NCALD: variants seen among roughly 807,000 people sequenced by gnomAD.
NCALD encodes the protein neurocalcin-delta.
Under a neutral mutation model 18.6 loss-of-function variants are expected in NCALD, and 10 were observed. The ratio of observed to expected loss-of-function variants is 0.54; its 90% confidence interval spans 0.33 to 0.91. The LOEUF (loss-of-function observed/expected upper bound fraction) is 0.91, where lower values mean the gene tolerates loss of function less well. Ranked by LOEUF, NCALD falls within the 40% of genes least tolerant of loss-of-function variation. The probability of loss-of-function intolerance (pLI) is 0.03; values close to 1 mark genes in which losing one functional copy is unlikely to be tolerated. For missense variants in NCALD, 184 were observed against 247.6 expected, an observed-to-expected ratio of 0.74 and a Z score of 1.72; for synonymous variants, 88 against 87.4, an observed-to-expected ratio of 1.01 and a Z score of -0.04.
In NCALD at chr8:101,719,224, C is replaced by CT. The variant is rs764185771; in HGVS notation, c.378+27dup. 3.8e-4 allele frequency: 601 copies of CT among 1,596,688 alleles called. No individual in the cohort carries two copies. The Middle Eastern group carries it at 5.2e-3, about 14-fold the overall frequency. ...ATTCTTACTTGAGATACATGCCCTT[C>CT]TTTTTTTAAAGGGCTCAGTCTACGT... On this transcript the variant is annotated intron_variant, in intron 2 of 3. Transcript: ENST00000220931.
chr8:101,885,110 C>T (rs1816630972), intron 4 of NCALD, among the ~76,000 whole-genome samples: 1 of 152,120 alleles, frequency 6.6e-6, no homozygotes, highest in South Asian at 2.1e-4. Context: ...CATCCTATAA[C>T]TAAGAAGCTA....
Position 102,043,847 on chromosome 8 carries a change from T to C in NCALD, c.-209-23558A>G, listed in dbSNP as rs549739359. On this transcript the variant is annotated intron_variant, in intron 1 of 6. Transcript: ENST00000311028. ...CGTTAGGGGGCTTGGAAGGAGAAAA[T>C]TACATTACTGCTCGTTGTCTTTGCT... Among the ~76,000 whole-genome samples the C allele has an allele frequency of 1.1e-3, 170 of 151,458 alleles. 1 individual carries two copies. Among genetic ancestry groups the C allele is most frequent in the African/African-American group, 3.8e-3 (157 of 41,072 alleles).
intron 1 of NCALD, among the ~76,000 whole-genome samples, chr8:102,034,583 C>A (rs1037693100): frequency 6.6e-6 from 1 of 152,148 alleles, no homozygotes; most frequent in Non-Finnish European, 1.5e-5. Flanking sequence ...GAATAACTCA[C>A]CAATTGGCTT....
chr8:101,937,982 A>G (rs994366745), intron 2 of NCALD, among the ~76,000 whole-genome samples: 6 of 152,206 alleles, frequency 3.9e-5, no homozygotes, highest in South Asian at 2.1e-4. Flanking sequence ...GGTTACTATG[A>G]AAGACTTAGG....
rs149380439 is a variant in NCALD, at chr8:101,987,892, T to C, written c.-157+32345A>G. ...ACTCATGGCCGGGCGCGGTGGCTCA[T>C]GCCTGTAATCCCAGCACTTTCGGAG... On this transcript the variant is annotated intron_variant, in intron 2 of 6. Coordinates refer to the NCALD transcript ENST00000311028. Among the ~76,000 whole-genome samples, 480 of 152,220 alleles carry C rather than the reference T, an allele frequency of 3.2e-3. 3 individuals are homozygous for C. Among genetic ancestry groups the C allele is most frequent in the Admixed American group, 4.8e-3 (74 of 15,288 alleles).
chr8:101,720,746 A>C (rs1743951398), intron 1 of NCALD, among the ~76,000 whole-genome samples: 1 of 152,196 alleles, frequency 6.6e-6, no homozygotes, highest in South Asian at 2.1e-4. Context: ...TTTCTTCAAA[A>C]CCAAACTGAA....
chr8:101,930,134 A>G (rs1183117450), intron 2 of NCALD, among the ~76,000 whole-genome samples: 3 of 152,212 alleles, frequency 2.0e-5, no homozygotes, highest in Non-Finnish European at 4.4e-5. Context: ...AAATGAGAAA[A>G]TTACAAAAAT....
chr8:101,864,922 A>G (rs75176306), intron 4 of NCALD, among the ~76,000 whole-genome samples: 6,423 of 152,272 alleles, frequency 0.042, 306 homozygotes, highest in African/African-American at 0.12. Context: ...CTAGAAGGAC[A>G]AAGAGTACTT....
chr8:101,963,982 C>T (rs1586835373), intron 2 of NCALD, among the ~76,000 whole-genome samples: 2 of 152,282 alleles, frequency 1.3e-5, no homozygotes, highest in East Asian at 3.9e-4. Flanking sequence ...TCATGTCCTT[C>T]CAAGGCAGTA....
chr8:101,872,827 A>G (rs547466901), intron 4 of NCALD, among the ~76,000 whole-genome samples: 2 of 152,264 alleles, frequency 1.3e-5, no homozygotes, highest in East Asian at 3.9e-4. Flanking sequence ...TTAGAGCATG[A>G]TCCCAATAGC....
chr8:102,073,591 A>G (rs778261501), intron 1 of NCALD, among the ~76,000 whole-genome samples: 3 of 151,946 alleles, frequency 2.0e-5, no homozygotes, highest in Non-Finnish European at 2.9e-5. Context: ...AATATATATT[A>G]TTTTTAAAGC....
At chr8:101,768,763 A>C (rs1212235920) in intron 1 of NCALD, among the ~76,000 whole-genome samples, 1 of 152,058 alleles carries the variant, frequency 6.6e-6, no homozygotes, top group Non-Finnish European at 1.5e-5. Flanking sequence ...GAAAAAAGAA[A>C]CTTTAAAAAA....
At chr8:101,918,070 GC>G (rs1818033050) in intron 2 of NCALD, among the ~76,000 whole-genome samples, 1 of 152,042 alleles carries the variant, frequency 6.6e-6, no homozygotes, top group Non-Finnish European at 1.5e-5. Flanking sequence ...AAACACAGAA[GC>G]AAAAATCCTT....
intron 4 of NCALD, among the ~76,000 whole-genome samples, chr8:101,821,810 A>G (rs1168333532): frequency 6.6e-6 from 1 of 150,996 alleles, no homozygotes; most frequent in Non-Finnish European, 1.5e-5. Flanking sequence ...CAAATTGGGG[A>G]AAAAAACCAC....
At chr8:101,764,846 AC>A (rs1260234635) in intron 1 of NCALD, among the ~76,000 whole-genome samples, 1 of 152,214 alleles carries the variant, frequency 6.6e-6, no homozygotes, top group Non-Finnish European at 1.5e-5. Flanking sequence ...GAGAAACTTT[AC>A]AAAACCACAG....
chr8:102,004,993 C>T (rs1231051564), intron 2 of NCALD, among the ~76,000 whole-genome samples: 1 of 152,146 alleles, frequency 6.6e-6, no homozygotes, highest in East Asian at 1.9e-4. Context: ...GTCTAAAACA[C>T]CAAAAGCAAT....
rs141408212 is a variant in NCALD, at chr8:101,915,177, C to T, written c.-107+632G>A. On this transcript the variant is annotated intron_variant, in intron 3 of 6. Coordinates refer to the NCALD transcript ENST00000311028. ...GATATTTGGATGTGTTCCATAGTCA[C>T]CCAGATAGTAACTAACAGAGCCAAA... is the stretch of plus-strand genomic sequence containing the variant. Among the ~76,000 whole-genome samples the T allele has an allele frequency of 9.6e-3, 1,463 of 152,294 alleles. 17 individuals are homozygous for T. Among genetic ancestry groups the T allele is most frequent in the Middle Eastern group, 0.037 (11 of 294 alleles).
At chr8:102,109,762 G>T (rs1485670056) in intron 1 of NCALD, among the ~76,000 whole-genome samples, 1 of 152,108 alleles carries the variant, frequency 6.6e-6, no homozygotes, top group Admixed American at 6.5e-5. Context: ...TCTTTGAAAT[G>T]AAGTGTATTT....
rs967224287 is a variant in NCALD, at chr8:101,689,554, G to A, written c.485-148C>T. The A allele has an allele frequency of 4.2e-5, 27 of 641,444 alleles. No homozygotes were observed. Among genetic ancestry groups the A allele is most frequent in the African/African-American group, 3.8e-4 (21 of 55,012 alleles). The allele number at this position is 641,444 out of a possible 1,614,324, so 39.7% of individuals were successfully genotyped here. A position where few individuals can be genotyped will look rare whatever the true frequency, so the allele number is the denominator to read the frequency against. On this transcript the variant is annotated intron_variant, in intron 3 of 3. Coordinates refer to ENST00000220931, the MANE Select transcript of NCALD (RefSeq NM_032041.3). This position sits in a 1 kb window ranked among gnomAD's most constrained non-coding sequence, Gnocchi z 4.4. The stretch of plus-strand genomic sequence containing the variant: ...CACAGCACTCACCTGTCCCGGGGAA[G>A]AGCCCAGTGGAATCTCCAGGAACAC...
Sources: allele counts gnomAD v4.1 joint callset (sites outside exome capture counted in the v4.1 genomes callset), GRCh38; gene constraint gnomAD v4.1.1; non-coding constraint Gnocchi (gnomAD v3.1); transcripts MANE v1.5; gene names NCBI Gene and HGNC (gene_info 2026-07-23, HGNC 2026-07-21).